PHF20: variants seen among roughly 807,000 people sequenced by gnomAD.
The protein encoded by PHF20 is PHD finger protein 20, also known as glioma-expressed antigen 2.
Under a neutral mutation model 113.5 loss-of-function variants are expected in PHF20, and 23 were observed. The ratio of observed to expected loss-of-function variants is 0.20; its 90% CI spans 0.15 to 0.29. The LOEUF (loss-of-function observed/expected upper bound fraction) is 0.29, where lower values mean the gene tolerates loss of function less well. PHF20 is among the 10% of genes least tolerant of loss of function. PHF20 has a pLI of 1.00. For synonymous variants in PHF20, 434 were observed against 457.3 expected (o/e 0.95, Z 0.65); for missense variants, 943 against 1,219.6 (o/e 0.77, Z 3.38).
At chr20:35,847,549 C>A in intron 4 of PHF20, 115 bp downstream of exon 4, 1 of 639,330 alleles carries the variant, frequency 1.6e-6, no homozygotes. Flanking sequence ...CCTAGGTATC[C>A]GCTTTATTCA....
At chr20:35,793,480 A>G (rs1310617675) in intron 1 of PHF20, among the ~76,000 whole-genome samples, 3 of 150,706 alleles carry the variant, frequency 2.0e-5, no homozygotes, top group African/African-American at 7.3e-5. Flanking sequence ...TTGTATTTTT[A>G]GTAGAGACGG....
chr20:35,861,940 A>G (rs982961227), intron 5 of PHF20, among the ~76,000 whole-genome samples: 3 of 152,208 alleles, frequency 2.0e-5, no homozygotes, highest in African/African-American at 7.2e-5. Context: ...CCATATGAAC[A>G]TAGTATGGTG....
In PHF20 at chr20:35,863,321, T is replaced by A. The variant is rs775094069; in HGVS notation, c.729T>A (p.Asn243Lys). ...GDAQVDKKPE[N>K]DIVKSPQENL... Reference sequence around the variant, plus strand: ...CCCAAGTGGATAAGAAACCTGAAAATGACATTGTGAAGAGTCCACAAGAAA... The same window carrying A: ...CCCAAGTGGATAAGAAACCTGAAAAAGACATTGTGAAGAGTCCACAAGAAA... Residue 243 changes from asparagine to lysine, a missense_variant, in exon 6 of 18, where the codon AAT becomes AAA. This residue lies in a region of PHF20 where 592 missense variants were observed against 787.2 expected (regional missense o/e 0.75). Transcript: ENST00000374012. The A allele has an allele frequency of 5.6e-6, 9 of 1,613,772 alleles. No individual in the cohort carries two copies. The African/African-American group carries it at 1.2e-4, about 22-fold the overall frequency.
chr20:35,803,776 C>G (rs2041829867), intron 2 of PHF20, among the ~76,000 whole-genome samples: 1 of 149,752 alleles, frequency 6.7e-6, no homozygotes, highest in Admixed American at 6.7e-5. Context: ...TAAGTAGTAT[C>G]ATACAACTTG....
At chr20:35,919,104 C>T (rs943332258) in intron 13 of PHF20, among the ~76,000 whole-genome samples, 5 of 152,146 alleles carry the variant, frequency 3.3e-5, no homozygotes, top group Non-Finnish European at 4.4e-5. Context: ...CCACCCTCTG[C>T]CTCCCAGGTT....
intron 1 of PHF20, among the ~76,000 whole-genome samples, chr20:35,785,592 TTACTGGTGTGAGC>T (rs1215034141): frequency 3.3e-5 from 5 of 151,822 alleles, no homozygotes. Context: ...TGTGCTGGGA[TTACTGGTGTGAGC>T]CACCACACCC....
chr20:35,774,436 C>G (rs1425237692), intron 1 of PHF20: 1 of 152,226 alleles, frequency 6.6e-6, no homozygotes, highest in Non-Finnish European at 1.5e-5. Flanking sequence ...GACCTCCTAT[C>G]TCTTAAGAGC....
At chr20:35,840,796 A>T (rs2042522374) in intron 2 of PHF20, among the ~76,000 whole-genome samples, 1 of 152,094 alleles carries the variant, frequency 6.6e-6, no homozygotes, top group South Asian at 2.1e-4. Flanking sequence ...CTTGTACTGG[A>T]CCTGGCCACT....
chr20:35,935,170 TC>T (rs2055840867), intron 15 of PHF20, among the ~76,000 whole-genome samples: 1 of 152,070 alleles, frequency 6.6e-6, no homozygotes, highest in South Asian at 2.1e-4. Flanking sequence ...TTTATTATTT[TC>T]TTCTCGACAG....
intron 9 of PHF20, among the ~76,000 whole-genome samples, chr20:35,883,407 C>T (rs1168195088): frequency 6.6e-6 from 1 of 152,088 alleles, no homozygotes; most frequent in Non-Finnish European, 1.5e-5. Context: ...GGCACACTTC[C>T]TAATGGTCAG....
At chr20:35,784,457 G>A (rs6087734) in intron 1 of PHF20, among the ~76,000 whole-genome samples, 101,668 of 133,848 alleles carry the variant, frequency 0.76, 38,645 homozygotes, top group East Asian at 0.83. Flanking sequence ...TTTTTTTTGA[G>A]ATGGAGTCTC....
intron 13 of PHF20, among the ~76,000 whole-genome samples, chr20:35,921,725 A>G (rs76569379): frequency 0.029 from 4,226 of 146,812 alleles, 87 homozygotes; most frequent in Non-Finnish European, 0.041. Flanking sequence ...AAAATGTTAT[A>G]TAACATGAAG....
rs762108010 is a variant in PHF20 at position 35,871,657 on chromosome 20, G to T, written c.1110G>T (p.Leu370Phe). The T allele has an allele frequency of 6.3e-7, 1 of 1,592,884 alleles. No homozygotes were observed. The highest frequency in any genetic ancestry group is 8.5e-7 in the Non-Finnish European group (1 of 1,172,666). Reference sequence around the variant, plus strand: ...TTTCTTTTTTTCTTCTAGGTCAGTTGAAGTCTGCTTTGGAAGCTGGCCAGG... The same window carrying T: ...TTTCTTTTTTTCTTCTAGGTCAGTTTAAGTCTGCTTTGGAAGCTGGCCAGG... ...SSTKESEEGQ[L>F]KSALEAGQVS... The change falls in exon 9 of 18, where the codon TTG (leucine) becomes TTT (phenylalanine). Residue 370 changes from leucine to phenylalanine, a missense_variant. Leu to Phe is a conservative substitution (Grantham distance 22). Around this residue, in one of 3 missense-constraint regions of PHF20, gnomAD observed 592 missense variants for 787.2 expected, o/e 0.75. Transcript: ENST00000374012.
intron 5 of PHF20, among the ~76,000 whole-genome samples, chr20:35,859,640 C>A (rs2054180302): frequency 6.6e-6 from 1 of 151,808 alleles, no homozygotes; most frequent in African/African-American, 2.4e-5. Flanking sequence ...CCCGCCTCCC[C>A]AGTTCAAGTG....
intron 14 of PHF20, 108 bp from the exon 15 acceptor site, chr20:35,931,141 A>C: frequency 2.7e-6 from 2 of 743,576 alleles, no homozygotes. Context: ...CAAAATGAGT[A>C]TACTAATCTG....
intron 4 of PHF20, among the ~76,000 whole-genome samples, chr20:35,851,571 C>T (rs2042731392): frequency 6.6e-6 from 1 of 151,876 alleles, no homozygotes; most frequent in African/African-American, 2.4e-5. Flanking sequence ...ATTGTGCTTC[C>T]CCCCCAACCC....
chr20:35,821,496 C>CA (rs145842439), intron 2 of PHF20, among the ~76,000 whole-genome samples: 7,925 of 78,044 alleles, frequency 0.1, 254 homozygotes, highest in Middle Eastern at 0.2. Context: ...ACCAAAAATA[C>CA]AAAAAAAAAA....
intron 9 of PHF20, among the ~76,000 whole-genome samples, chr20:35,875,707 C>G (rs1024964159): frequency 2.0e-5 from 3 of 152,010 alleles, no homozygotes; most frequent in African/African-American, 7.3e-5. Flanking sequence ...AGCCACATCC[C>G]CTGTGACTCA....
chr20:35,939,014 A>C lies in PHF20; in HGVS notation c.2618A>C (p.Glu873Ala), dbSNP rs763325956. ...GACGATGCGGTCAACCCCCTCCATG[A>C]GAACGGCGATGATTCCCTTTCCCCG... The part of the protein sequence containing the change: ...ALDDAVNPLH[E>A]NGDDSLSPRL... Residue 873 changes from glutamate (E) to alanine (A), a missense_variant, in exon 16 of 18, where the codon GAG becomes GCG. Glu to Ala is a moderately radical substitution (Grantham distance 107). Around this residue, in one of 3 missense-constraint regions of PHF20, gnomAD observed 349 missense variants for 412.3 expected, o/e 0.85. Transcript: ENST00000374012. 3 of 1,614,198 alleles carry C rather than the reference A, an allele frequency of 1.9e-6. No homozygotes were observed. The East Asian group carries it at 6.7e-5, about 36-fold the overall frequency.
Sources: gnomAD v4.1 joint callset for allele counts (sites outside exome capture counted in the v4.1 genomes callset) on GRCh38, gnomAD v4.1.1 for gene constraint, gnomAD v4.1.1 regional missense constraint, MANE v1.5 for transcripts, NCBI Gene and HGNC (gene_info 2026-07-23, HGNC 2026-07-21) for gene names.